Variants in PDE1A observed in about 807,000 individuals in gnomAD.
PDE1A encodes phosphodiesterase 1A.
PDE1A carries 35 observed loss-of-function variants against 61.7 expected under a neutral mutation model. That is an observed-to-expected ratio of 0.57 (90% CI 0.43 to 0.75). The LOEUF (loss-of-function observed/expected upper bound fraction) is 0.75. PDE1A is among the 30% of genes least tolerant of loss of function. PDE1A has a pLI of 0.00. For missense variants in PDE1A, 597 were observed against 630.6 expected (o/e 0.95, Z 0.57); for synonymous variants, 232 against 213.2 (o/e 1.09, Z -0.77).
At chr2:182,325,563 A>C (rs1189085264) in intron 1 of PDE1A, among the ~76,000 whole-genome samples, 1 of 152,176 alleles carries the variant, frequency 6.6e-6, no homozygotes, top group African/African-American at 2.4e-5. Context: ...TGTAAATCAC[A>C]TGTTTAATAA....
At chr2:182,160,528 C>T (rs1241341511) in intron 13 of PDE1A, among the ~76,000 whole-genome samples, 3 of 152,180 alleles carry the variant, frequency 2.0e-5, no homozygotes, top group African/African-American at 4.8e-5. Flanking sequence ...CCCTTGGACA[C>T]CAGACTCCAG....
chr2:182,200,121 G>A (rs1242910261), intron 10 of PDE1A, among the ~76,000 whole-genome samples: 1 of 152,096 alleles, frequency 6.6e-6, no homozygotes, highest in Non-Finnish European at 1.5e-5. Context: ...TGAAAATACA[G>A]AAATAAAAGA....
At chr2:182,648,504 G>A in the PDE1A span, among the ~76,000 whole-genome samples, 16 of 64,136 alleles carry the variant, frequency 2.5e-4, no homozygotes, top group African/African-American at 1.0e-3. Context: ...GCAAGACCCT[G>A]TCCCCACAAA....
At chr2:182,464,144 T>C (rs549132009) in intron 2 of PDE1A, among the ~76,000 whole-genome samples, 2 of 152,236 alleles carry the variant, frequency 1.3e-5, no homozygotes, top group African/African-American at 2.4e-5. Context: ...AAATTTTCTA[T>C]GTTTTCTTTA....
At chr2:182,604,666 ATTAATT>A in the PDE1A span, among the ~76,000 whole-genome samples, 1 of 152,224 alleles carries the variant, frequency 6.6e-6, no homozygotes, top group Non-Finnish European at 1.5e-5. Context: ...GCTACTACTG[ATTAATT>A]TTAATTTCTG....
chr2:182,432,422 G>T (rs754876141), intron 2 of PDE1A, among the ~76,000 whole-genome samples: 11 of 137,590 alleles, frequency 8.0e-5, no homozygotes, highest in Non-Finnish European at 1.2e-4. Flanking sequence ...ATTGAGCTTT[G>T]CTGTTGTTGT....
intron 2 of PDE1A, among the ~76,000 whole-genome samples, chr2:182,473,636 C>T (rs968665261): frequency 1.3e-5 from 2 of 151,820 alleles, no homozygotes; most frequent in African/African-American, 4.8e-5. Flanking sequence ...TCCTCACCCT[C>T]CTCCTACCTT....
intron 1 of PDE1A, among the ~76,000 whole-genome samples, chr2:182,313,646 TG>T (rs1275130666): frequency 2.6e-5 from 4 of 152,216 alleles, no homozygotes; most frequent in African/African-American, 9.6e-5. Flanking sequence ...GTATTTCACC[TG>T]TATTGATCTG....
chr2:182,428,053 T>G (rs1290984946), upstream of PDE1A, among the ~76,000 whole-genome samples: 1 of 152,056 alleles, frequency 6.6e-6, no homozygotes, highest in African/African-American at 2.4e-5. Flanking sequence ...TGAGGAGAGA[T>G]AAGGAAGGAG....
intron 13 of PDE1A, among the ~76,000 whole-genome samples, chr2:182,174,285 C>G (rs1255658830): frequency 6.6e-6 from 1 of 152,092 alleles, no homozygotes; most frequent in East Asian, 1.9e-4. Context: ...TGAAGCCATT[C>G]AGCCTTATTT....
chr2:182,368,396 T>G (rs1383569576), intron 1 of PDE1A, among the ~76,000 whole-genome samples: 1 of 136,040 alleles, frequency 7.4e-6, no homozygotes, highest in Non-Finnish European at 1.6e-5. Context: ...TCTCCTTCAA[T>G]ACATAACATT....
chr2:182,548,876 T>C, the PDE1A span, among the ~76,000 whole-genome samples: 1 of 152,114 alleles, frequency 6.6e-6, no homozygotes, highest in African/African-American at 2.4e-5. Flanking sequence ...AGACCAGTCC[T>C]AAAGAATGTT....
chr2:182,597,406 T>G, the PDE1A span, among the ~76,000 whole-genome samples: 1 of 152,026 alleles, frequency 6.6e-6, no homozygotes, highest in Non-Finnish European at 1.5e-5. Flanking sequence ...GAAGGAGCCA[T>G]CAATAGGTTC....
At chr2:182,147,693 G>T (rs932401375) in intron 13 of PDE1A, among the ~76,000 whole-genome samples, 1 of 152,118 alleles carries the variant, frequency 6.6e-6, no homozygotes, top group East Asian at 1.9e-4. Context: ...TTCTGGAGAG[G>T]TTGTAGAGAA....
At chr2:182,291,080 T>C (rs898132165) in intron 1 of PDE1A, among the ~76,000 whole-genome samples, 18 of 152,114 alleles carry the variant, frequency 1.2e-4, no homozygotes, top group Non-Finnish European at 2.2e-4. Flanking sequence ...TCTTCTTTCC[T>C]GCAGCCACAA....
the PDE1A span, among the ~76,000 whole-genome samples, chr2:182,695,752 C>T: frequency 7.0e-6 from 1 of 143,846 alleles, no homozygotes; most frequent in South Asian, 2.3e-4. Context: ...TACTTGCAAA[C>T]AATATATCTC....
At chr2:182,474,111 T>C (rs1163758388) in intron 2 of PDE1A, among the ~76,000 whole-genome samples, 2 of 152,018 alleles carry the variant, frequency 1.3e-5, no homozygotes, top group Non-Finnish European at 2.9e-5. Flanking sequence ...ACCAACAGTA[T>C]ATAAGCGTTC....
intron 4 of PDE1A, among the ~76,000 whole-genome samples, chr2:182,233,775 CCACA>C (rs4018725): frequency 0.24 from 35,623 of 146,938 alleles, 4,651 homozygotes; most frequent in Non-Finnish European, 0.29. Flanking sequence ...CACATGAACA[CCACA>C]CACACACACA....
chr2:182,186,511 C>T (rs1182053529), exon 12 of PDE1A: 6 of 1,613,146 alleles, frequency 3.7e-6, no homozygotes, highest in African/African-American at 2.7e-5. Flanking sequence ...GAGGCTTCCT[C>T]TATAAGAGGA....
Sources: gnomAD v4.1 joint callset for allele counts (sites outside exome capture counted in the v4.1 genomes callset) on GRCh38, gnomAD v4.1.1 for gene constraint, MANE v1.5 for transcripts, NCBI Gene and HGNC (gene_info 2026-07-23, HGNC 2026-07-21) for gene names.